CPEB3: variants seen among roughly 807,000 people sequenced by gnomAD.
CPEB3 encodes cytoplasmic polyadenylation element binding protein 3.
Under a neutral mutation model 67.2 loss-of-function variants are expected in CPEB3, and 20 were observed. The ratio of observed to expected loss-of-function variants is 0.30; its 90% CI spans 0.21 to 0.43. The LOEUF (loss-of-function observed/expected upper bound fraction) is 0.43. Ranked by LOEUF, CPEB3 falls within the 20% of genes least tolerant of loss-of-function variation. CPEB3 has a pLI of 1.00. For synonymous variants in CPEB3, 376 were observed against 393.1 expected (o/e 0.96, Z 0.51); for missense variants, 746 against 968.6 (o/e 0.77, Z 3.05).
chr10:92,203,848 A>C (rs1849654468), intron 2 of CPEB3, among the ~76,000 whole-genome samples: 1 of 152,138 alleles, frequency 6.6e-6, no homozygotes, highest in African/African-American at 2.4e-5. Context: ...GACAGTAGTA[A>C]AACTCCCAAG....
chr10:92,047,921 A>G lies in CPEB3; in HGVS notation c.*4291T>C, dbSNP rs1278052275. The G allele has an allele frequency of 1.3e-5, 2 of 152,230 alleles. No individual in the cohort carries two copies. The highest frequency in any genetic ancestry group is 2.1e-4 in the South Asian group (1 of 4,832). The allele number at this position is 152,230 out of a possible 1,614,324, so 9.4% of individuals were successfully genotyped here. On this transcript the variant is annotated 3_prime_UTR_variant, in exon 10 of 10. Coordinates refer to ENST00000265997, the MANE Select transcript of CPEB3 (RefSeq NM_014912.5). ...TACGCAACACCAGTTTTGCAGTTGT[A>G]GTTTTTGCTTTGACTGTAGGTGCTA...
chr10:92,253,097 A>T (rs1164639063), intron 1 of CPEB3, among the ~76,000 whole-genome samples: 1 of 152,164 alleles, frequency 6.6e-6, no homozygotes, highest in African/African-American at 2.4e-5. Flanking sequence ...GCTAGGGAAC[A>T]TAAAAGGGGA....
intron 2 of CPEB3, among the ~76,000 whole-genome samples, chr10:92,200,621 A>C (rs1264540990): frequency 6.6e-6 from 1 of 150,876 alleles, no homozygotes; most frequent in Admixed American, 6.6e-5. Flanking sequence ...CTTCCTGAGG[A>C]TGACTAATTC....
At chr10:92,282,237 A>G (rs1420733412) in intron 1 of CPEB3, among the ~76,000 whole-genome samples, 1 of 152,206 alleles carries the variant, frequency 6.6e-6, no homozygotes, top group Admixed American at 6.5e-5. Flanking sequence ...GACAGATGAT[A>G]TTGATTTATG....
At chr10:92,122,805 G>A (rs1298446707) in intron 6 of CPEB3, among the ~76,000 whole-genome samples, 3 of 152,192 alleles carry the variant, frequency 2.0e-5, no homozygotes, top group Admixed American at 6.5e-5. Flanking sequence ...GTACAACATA[G>A]GTGAAAACAT....
chr10:92,273,055 G>C (rs570291120), intron 1 of CPEB3, among the ~76,000 whole-genome samples: 1 of 152,294 alleles, frequency 6.6e-6, no homozygotes, highest in African/African-American at 2.4e-5. Context: ...AGATATTTAG[G>C]AGATAAACGA....
chr10:92,123,397 C>T (rs74448639), intron 6 of CPEB3, among the ~76,000 whole-genome samples: 2 of 19,090 alleles, frequency 1.0e-4, no homozygotes, highest in South Asian at 1.2e-3. Flanking sequence ...AGGCAAGGAC[C>T]AAGGACGCTA....
chr10:92,164,892 T>C (rs1253809448), intron 4 of CPEB3, among the ~76,000 whole-genome samples: 1 of 152,222 alleles, frequency 6.6e-6, no homozygotes, highest in East Asian at 1.9e-4. Flanking sequence ...TATTTCATTA[T>C]TACTAACACA....
rs1554889852 is a variant in CPEB3, at chr10:92,116,265, A to AAT, written c.1454-5072_1454-5071insAT. The stretch of plus-strand genomic sequence containing the variant: ...CACACCTTCCAGTAAAAAAAAAAAA[A>AAT]AATAATAATAATAATAATATGCACT... On this transcript the variant is annotated intron_variant, in intron 6 of 9. Coordinates refer to ENST00000265997, the MANE Select transcript of CPEB3 (RefSeq NM_014912.5). 3.2e-3 allele frequency among the ~76,000 whole-genome samples: 461 copies of AAT among 145,830 alleles called. 3 individuals carry two copies. The highest frequency in any genetic ancestry group is 7.1e-3 in the Middle Eastern group (2 of 282).
chr10:92,172,735 A>G (rs561951746), intron 4 of CPEB3, among the ~76,000 whole-genome samples: 6 of 152,308 alleles, frequency 3.9e-5, no homozygotes, highest in Non-Finnish European at 5.9e-5. Context: ...CTACTCTATC[A>G]TATGGCCATG....
chr10:92,095,602 T>TATA (rs10665210), intron 7 of CPEB3, among the ~76,000 whole-genome samples: 531 of 73,530 alleles, frequency 7.2e-3, no homozygotes, highest in Non-Finnish European at 7.5e-3. Flanking sequence ...ATATATATAT[T>TATA]TTTTTTTTTT....
At chr10:92,290,664 TCA>T (rs1302402247) in intron 1 of CPEB3, among the ~76,000 whole-genome samples, 18 of 151,748 alleles carry the variant, frequency 1.2e-4, no homozygotes, top group African/African-American at 4.4e-4. Flanking sequence ...AAGAAGAACC[TCA>T]CGCACCAAAC....
chr10:92,217,938 CA>C (rs546596581), intron 2 of CPEB3, among the ~76,000 whole-genome samples: 1 of 151,750 alleles, frequency 6.6e-6, no homozygotes, highest in African/African-American at 2.4e-5. Flanking sequence ...GCCAACATGG[CA>C]AAACCCCGTT....
chr10:92,255,972 A>T (rs1821843659), intron 1 of CPEB3, among the ~76,000 whole-genome samples: 1 of 152,080 alleles, frequency 6.6e-6, no homozygotes, highest in Non-Finnish European at 1.5e-5. Context: ...GCTTTTAACT[A>T]TTTCTCTATC....
intron 4 of CPEB3, among the ~76,000 whole-genome samples, chr10:92,148,931 C>T (rs1333603977): frequency 1.2e-4 from 17 of 140,764 alleles, no homozygotes; most frequent in African/African-American, 3.4e-4. Flanking sequence ...GACAGAGTCT[C>T]GCTCTGTCAC....
At chr10:92,127,939 T>G (rs184176035) in intron 6 of CPEB3, among the ~76,000 whole-genome samples, 1 of 147,700 alleles carries the variant, frequency 6.8e-6, no homozygotes, top group East Asian at 1.9e-4. Flanking sequence ...AGGGGTGCAC[T>G]ATACACCAAA....
At chr10:92,289,745 A>ATGTAT in intron 1 of CPEB3, among the ~76,000 whole-genome samples, 1 of 114,474 alleles carries the variant, frequency 8.7e-6, no homozygotes, top group African/African-American at 4.9e-5. Context: ...ATATATATAT[A>ATGTAT]TATATATATA....
intron 9 of CPEB3, among the ~76,000 whole-genome samples, chr10:92,055,551 C>T (rs1227775230): frequency 6.6e-6 from 1 of 152,102 alleles, no homozygotes; most frequent in African/African-American, 2.4e-5. Context: ...TAATACAATG[C>T]AGTAGAGAGT....
At chr10:92,232,925 A>C (rs1851343016) in intron 2 of CPEB3, among the ~76,000 whole-genome samples, 1 of 152,228 alleles carries the variant, frequency 6.6e-6, no homozygotes, top group South Asian at 2.1e-4. Flanking sequence ...CCACTTTTCA[A>C]CATGCAATTT....
Sources: allele counts gnomAD v4.1 joint callset (sites outside exome capture counted in the v4.1 genomes callset), GRCh38; gene constraint gnomAD v4.1.1; transcripts MANE v1.5; gene names NCBI Gene and HGNC (gene_info 2026-07-23, HGNC 2026-07-21).